Variants in RNF150 observed in about 807,000 individuals in gnomAD.
RNF150 encodes ring finger protein 150.
RNF150 carries 24 observed loss-of-function variants against 39.3 expected under a neutral mutation model. That is an observed-to-expected ratio of 0.61 (90% CI 0.44 to 0.86). The LOEUF is 0.86. Ranked by LOEUF, RNF150 falls within the 40% of genes least tolerant of loss-of-function variation. RNF150 has a pLI of 0.00. For synonymous variants in RNF150, 255 were observed against 227.3 expected, an observed-to-expected ratio of 1.12 and a Z score of -1.10; for missense variants, 502 against 587.8, an observed-to-expected ratio of 0.85 and a Z score of 1.51.
intron 2 of RNF150, among the ~76,000 whole-genome samples, chr4:140,963,251 A>C (rs1029599801): frequency 6.6e-6 from 1 of 152,070 alleles, no homozygotes; most frequent in African/African-American, 2.4e-5. Flanking sequence ...GAAAAGGAAG[A>C]GATGTCTCCT....
chr4:140,911,173 T>C lies in RNF150; in HGVS notation c.1169A>G (p.Gln390Arg). 2 of 1,614,096 alleles carry C rather than the reference T, an allele frequency of 1.2e-6. No homozygotes were observed. Among genetic ancestry groups the C allele is most frequent in the Non-Finnish European group, 1.7e-6 (2 of 1,179,954 alleles). Residue 390 changes from glutamine to arginine, a missense_variant, in exon 6 of 7, where the codon CAG becomes CGG. Coordinates refer to ENST00000515673, the MANE Select transcript of RNF150 (RefSeq NM_020724.2). ...AGTAGTAAAGATGACGTCTCCCTCC[T>C]GGGGGATGGGGTCTGTATCCTGGAC... The part of the protein sequence containing the change: ...QVVQDTDPIP[Q>R]EGDVIFTTNS...
chr4:141,157,215 T>A (rs1209196325), intron 1 of RNF150, among the ~76,000 whole-genome samples: 1 of 150,852 alleles, frequency 6.6e-6, no homozygotes, highest in Non-Finnish European at 1.5e-5. Context: ...GCACAATATC[T>A]CCCCCCCCAA....
chr4:140,947,578 G>T, intron 4 of RNF150, 76 bp downstream of exon 4: 1 of 987,838 alleles, frequency 1.0e-6, no homozygotes, highest in Non-Finnish European at 1.6e-6. Context: ...ATGCCCAGCA[G>T]GTCGGGGCCA....
rs756840818 is a variant in RNF150 at position 141,132,431 on chromosome 4, G to A, written c.378C>T (p.Cys126=). The change falls in exon 1 of 7, where the codon TGC becomes TGT. Residue 126 remains cysteine (C), a synonymous_variant. Transcript: ENST00000515673. This position sits in a 1 kb window ranked among gnomAD's most constrained non-coding sequence, Gnocchi z 4.9. ...NWIALIPKGN[C]TYRDKIRNAF... is the part of the protein sequence containing the mutation. ...CGTTCCGGATCTTATCCCTGTACGT[G>A]CAGTTGCCCTTGGGGATGAGGGCTA... 1.2e-6 allele frequency: 2 copies of A among 1,610,344 alleles called. No individual in the cohort carries two copies. The highest frequency in any genetic ancestry group is 1.1e-5 in the South Asian group (1 of 89,848).
chr4:141,004,201 A>C (rs1018157376), intron 1 of RNF150, among the ~76,000 whole-genome samples: 2 of 151,884 alleles, frequency 1.3e-5, no homozygotes, highest in African/African-American at 4.8e-5. Flanking sequence ...ATGGGGGTTT[A>C]AACTTTAGTG....
intron 1 of RNF150, among the ~76,000 whole-genome samples, chr4:141,160,399 T>C (rs1727489788): frequency 6.6e-6 from 1 of 152,254 alleles, no homozygotes; most frequent in African/African-American, 2.4e-5. Flanking sequence ...CATTATTGTA[T>C]ATTTGTATAA....
chr4:141,046,489 A>T (rs1302404557), intron 1 of RNF150, among the ~76,000 whole-genome samples: 1 of 152,114 alleles, frequency 6.6e-6, no homozygotes, highest in Non-Finnish European at 1.5e-5. Context: ...TACAACTGTT[A>T]TTTACTGACA....
chr4:141,088,775 TAAG>T (rs2111001508), intron 1 of RNF150, among the ~76,000 whole-genome samples: 2 of 151,782 alleles, frequency 1.3e-5, no homozygotes, highest in African/African-American at 4.8e-5. Context: ...CAAGAGAGTA[TAAG>T]AATATATAAA....
intron 1 of RNF150, among the ~76,000 whole-genome samples, chr4:140,971,047 G>T (rs1254990517): frequency 6.6e-6 from 1 of 152,074 alleles, no homozygotes; most frequent in African/African-American, 2.4e-5. Context: ...AAGTGGATTT[G>T]GATGAATTAT....
At chr4:140,889,673 G>A (rs1342034612) in intron 6 of RNF150, among the ~76,000 whole-genome samples, 1 of 152,116 alleles carries the variant, frequency 6.6e-6, no homozygotes, top group Non-Finnish European at 1.5e-5. Flanking sequence ...AAGTGTCAAT[G>A]CTTAATGATA....
chr4:141,201,698 T>C (rs1728295238), intron 1 of RNF150, among the ~76,000 whole-genome samples: 1 of 152,162 alleles, frequency 6.6e-6, no homozygotes, highest in African/African-American at 2.4e-5. Context: ...AGAAGTTTCT[T>C]TCTTTTTCTT....
At chr4:140,896,716 ACAAAC>A (rs1213871500) in intron 6 of RNF150, among the ~76,000 whole-genome samples, 24 of 63,638 alleles carry the variant, frequency 3.8e-4, no homozygotes, top group East Asian at 1.0e-3. Flanking sequence ...AAACAAACAA[ACAAAC>A]AAAAAAAAAT....
intron 4 of RNF150, among the ~76,000 whole-genome samples, chr4:140,937,527 C>T (rs1229332971): frequency 1.3e-5 from 2 of 152,112 alleles, no homozygotes; most frequent in Non-Finnish European, 2.9e-5. Context: ...TCCCAAAGTG[C>T]TGGGATTTCA....
intron 3 of RNF150, among the ~76,000 whole-genome samples, chr4:140,947,968 T>TACAA (rs1439465260): frequency 6.6e-6 from 1 of 152,198 alleles, no homozygotes; most frequent in African/African-American, 2.4e-5. Flanking sequence ...TTTTCTAAAG[T>TACAA]ACAATTACTA....
chr4:141,109,026 T>G (rs186021311), intron 1 of RNF150, among the ~76,000 whole-genome samples: 1 of 152,260 alleles, frequency 6.6e-6, no homozygotes, highest in Admixed American at 6.5e-5. Context: ...CCCCAGAAGG[T>G]TTCTGAGATG....
rs1560679132 is a variant in RNF150 at position 141,000,035 on chromosome 4, G to GAAAAGAAGAA, written c.485-32163_485-32162insTTCTTCTTTT. Among the ~76,000 whole-genome samples the GAAAAGAAGAA allele has an allele frequency of 5.3e-4, 26 of 49,510 alleles. 1 individual carries two copies. The highest frequency in any genetic ancestry group is 2.4e-3 in the South Asian group (3 of 1,238). The allele number at this position is 49,510 out of a possible 152,430, so 32.5% of individuals were successfully genotyped here. A position where few individuals can be genotyped will look rare whatever the true frequency, so the allele number is the denominator to read the frequency against. On this transcript the variant is annotated intron_variant, in intron 1 of 6. Coordinates refer to ENST00000515673, the MANE Select transcript of RNF150 (RefSeq NM_020724.2). ...AGAAGAAGAAGAAGAAGAAGAAGAA[G>GAAAAGAAGAA]AAGAAGAAGAAGAAGAAGAAGAAGA...
At chr4:141,166,565 C>G (rs1233935783) in intron 1 of RNF150, among the ~76,000 whole-genome samples, 1 of 152,192 alleles carries the variant, frequency 6.6e-6, no homozygotes, top group East Asian at 1.9e-4. Context: ...CAAACCAAAT[C>G]CAGCAGCAAA....
intron 1 of RNF150, among the ~76,000 whole-genome samples, chr4:141,164,199 T>G (rs978249068): frequency 2.7e-5 from 4 of 150,264 alleles, no homozygotes; most frequent in Admixed American, 2.0e-4. Flanking sequence ...GAAGAAAGGA[T>G]ATCAGAGATT....
At chr4:141,010,232 T>C (rs531220355) in intron 1 of RNF150, among the ~76,000 whole-genome samples, 5 of 152,344 alleles carry the variant, frequency 3.3e-5, no homozygotes, top group Admixed American at 6.5e-5. Flanking sequence ...TTTCCAAATA[T>C]GATTTTAAAA....
Sources: allele counts gnomAD v4.1 joint callset (sites outside exome capture counted in the v4.1 genomes callset), GRCh38; gene constraint gnomAD v4.1.1; non-coding constraint Gnocchi (gnomAD v3.1); transcripts MANE v1.5; gene names NCBI Gene and HGNC (gene_info 2026-07-23, HGNC 2026-07-21).